Variants in NREP observed in about 807,000 individuals in gnomAD.
NREP encodes the protein neuronal regeneration related protein.
In NREP, 5 loss-of-function variants were observed where a neutral mutation model predicts 8.6. The ratio of observed to expected loss-of-function variants is 0.58; its 90% CI spans 0.30 to 1.22. The LOEUF (loss-of-function observed/expected upper bound fraction) is 1.22, where lower values mean the gene tolerates loss of function less well. Among genes scored for constraint, NREP ranks in the 50% most tolerant of loss-of-function variants. NREP has a pLI of 0.07. For synonymous variants in NREP, 27 were observed against 28.0 expected (o/e 0.96, Z 0.11); for missense variants, 86 against 82.5 (o/e 1.04, Z -0.17).
intron 2 of NREP, among the ~76,000 whole-genome samples, chr5:111,828,098 T>C (rs577032685): frequency 8.2e-4 from 124 of 152,070 alleles, no homozygotes; most frequent in Non-Finnish European, 1.5e-3. Context: ...TGGCACGATC[T>C]CGGCTCACCG....
chr5:111,881,092 C>A (rs183213331), intron 2 of NREP, among the ~76,000 whole-genome samples: 1 of 151,992 alleles, frequency 6.6e-6, no homozygotes, highest in Non-Finnish European at 1.5e-5. Flanking sequence ...TGGTGACAGA[C>A]GGCACCTGGA....
intron 2 of NREP, among the ~76,000 whole-genome samples, chr5:111,918,421 A>G (rs1581217629): frequency 6.6e-6 from 1 of 152,344 alleles, no homozygotes; most frequent in Non-Finnish European, 1.5e-5. Context: ...CAAAAAGAAC[A>G]ATGCTGAAGG....
At chr5:111,757,849 G>A (rs1750834153), upstream of NREP, 1 of 971,972 alleles carries the variant, frequency 1.0e-6, no homozygotes, top group African/African-American at 1.8e-5. Context: ...CGGTTTGGGG[G>A]CGCGCCAAGC....
chr5:111,776,229 A>G (rs1422506960), intron 2 of NREP, among the ~76,000 whole-genome samples: 5 of 152,184 alleles, frequency 3.3e-5, no homozygotes, highest in African/African-American at 1.2e-4. Flanking sequence ...TATGTGCAAG[A>G]TAATTTATGT....
chr5:111,737,381 T>C (rs1749222660), intron 2 of NREP, among the ~76,000 whole-genome samples: 2 of 152,230 alleles, frequency 1.3e-5, no homozygotes, highest in African/African-American at 4.8e-5. Flanking sequence ...CATTTCTATA[T>C]TACCACTTTA....
chr5:111,779,986 A>C (rs1322239091), intron 2 of NREP, among the ~76,000 whole-genome samples: 2 of 152,222 alleles, frequency 1.3e-5, no homozygotes, highest in Non-Finnish European at 2.9e-5. Flanking sequence ...TTTGGAAATC[A>C]GAGATGGAAA....
intron 2 of NREP, among the ~76,000 whole-genome samples, chr5:111,837,362 G>T (rs1752920324): frequency 6.6e-6 from 1 of 151,918 alleles, no homozygotes; most frequent in South Asian, 2.1e-4. Context: ...TATTTAAGGG[G>T]CTCCCACTGT....
chr5:111,758,292 CAT>C (rs1289426645), upstream of NREP: 2 of 980,274 alleles, frequency 2.0e-6, no homozygotes, highest in African/African-American at 3.5e-5. Context: ...CGGCCCAAGA[CAT>C]ACTCCCCTGG....
At chr5:111,759,505 C>T (rs148045175), upstream of NREP, among the ~76,000 whole-genome samples, 104 of 151,782 alleles carry the variant, frequency 6.9e-4, 1 homozygote, top group East Asian at 0.018. Context: ...ATCCTCACTA[C>T]GGCCTCCCAA....
chr5:111,854,253 T>C (rs1753372664), intron 2 of NREP, among the ~76,000 whole-genome samples: 1 of 152,180 alleles, frequency 6.6e-6, no homozygotes, highest in South Asian at 2.1e-4. Flanking sequence ...CACAAGCTTT[T>C]TAATTTGAGG....
chr5:111,905,926 A>G (rs1754768801), intron 2 of NREP, among the ~76,000 whole-genome samples: 1 of 152,152 alleles, frequency 6.6e-6, no homozygotes, highest in African/African-American at 2.4e-5. Flanking sequence ...CATGTCTTAC[A>G]TAGTAATATT....
intron 2 of NREP, among the ~76,000 whole-genome samples, chr5:111,960,531 G>T (rs1185769786): frequency 2.0e-5 from 3 of 152,116 alleles, no homozygotes; most frequent in Admixed American, 6.5e-5. Context: ...AAACAATCCA[G>T]GGGATAGGTC....
chr5:111,867,665 G>A (rs1334640091), intron 2 of NREP, among the ~76,000 whole-genome samples: 2 of 152,016 alleles, frequency 1.3e-5, no homozygotes, highest in Non-Finnish European at 2.9e-5. Flanking sequence ...TGAATATTAG[G>A]GAGATTAAGA....
At chr5:111,919,982 C>A (rs200267472) in intron 2 of NREP, among the ~76,000 whole-genome samples, 13,029 of 142,622 alleles carry the variant, frequency 0.091, 884 homozygotes, top group Non-Finnish European at 0.12. Context: ...TACCCCCCCC[C>A]CCCACACACA....
chr5:111,886,793 A>AG, intron 2 of NREP, among the ~76,000 whole-genome samples: 1 of 148,478 alleles, frequency 6.7e-6, no homozygotes, highest in Middle Eastern at 3.4e-3. Context: ...GGACACAGGA[A>AG]GGGGAACATC....
intron 2 of NREP, among the ~76,000 whole-genome samples, chr5:111,892,191 C>A (rs1433190638): frequency 6.6e-6 from 1 of 152,050 alleles, no homozygotes; most frequent in Non-Finnish European, 1.5e-5. Context: ...CATATGAATA[C>A]ATTACTATGG....
At chr5:111,961,828 G>A (rs913717335) in intron 2 of NREP, among the ~76,000 whole-genome samples, 1 of 152,154 alleles carries the variant, frequency 6.6e-6, no homozygotes, top group Non-Finnish European at 1.5e-5. Context: ...CATTTTGAGT[G>A]GTGAGGACTT....
intron 2 of NREP, among the ~76,000 whole-genome samples, chr5:111,967,078 T>C (rs969703105): frequency 6.6e-6 from 1 of 152,196 alleles, no homozygotes; most frequent in Admixed American, 6.5e-5. Context: ...TTGTCATCTA[T>C]TGGGTAGAGA....
chr5:111,928,137 C>G (rs1430984681), intron 2 of NREP, among the ~76,000 whole-genome samples: 1 of 151,806 alleles, frequency 6.6e-6, no homozygotes, highest in African/African-American at 2.4e-5. Context: ...ATATGGCATT[C>G]TTCAGCAGTA....
Sources: allele counts gnomAD v4.1 joint callset (sites outside exome capture counted in the v4.1 genomes callset), GRCh38; gene constraint gnomAD v4.1.1; transcripts MANE v1.5; gene names NCBI Gene and HGNC (gene_info 2026-07-23, HGNC 2026-07-21).